JAK1: variants seen among roughly 807,000 people sequenced by gnomAD.
The protein encoded by JAK1 is Janus kinase 1, also known as tyrosine-protein kinase JAK1.
JAK1 carries 16 observed loss-of-function variants against 136.6 expected under a neutral mutation model. The ratio of observed to expected loss-of-function variants is 0.12; its 90% CI spans 0.08 to 0.18. JAK1 has a LOEUF of 0.18. Ranked by LOEUF, JAK1 falls within the 10% of genes least tolerant of loss-of-function variation. The pLI, the probability that JAK1 is intolerant of heterozygous loss-of-function variation, is 1.00. For missense variants in JAK1, 859 were observed against 1,450.1 expected, an observed-to-expected ratio of 0.59 and a Z score of 6.62; for synonymous variants, 492 against 519.5, an observed-to-expected ratio of 0.95 and a Z score of 0.72.
intron 1 of JAK1, among the ~76,000 whole-genome samples, chr1:64,907,179 G>A (rs1265977271): frequency 6.6e-6 from 1 of 152,140 alleles, no homozygotes; most frequent in Non-Finnish European, 1.5e-5. Flanking sequence ...GAAAATAACA[G>A]TACATGGGGT....
At chr1:65,014,521 A>G (rs1214470774) in intron 2 of JAK1, among the ~76,000 whole-genome samples, 1 of 152,260 alleles carries the variant, frequency 6.6e-6, no homozygotes, top group East Asian at 1.9e-4. Context: ...ACTAATGAAC[A>G]TCAAAGGAAA....
At chr1:64,851,061 C>T (rs1467027822) in intron 11 of JAK1, 151 bp from the exon 12 acceptor site, 2 of 630,818 alleles carry the variant, frequency 3.2e-6, no homozygotes, top group East Asian at 2.8e-5. Context: ...GCATATGGCT[C>T]CTACCCTCCA....
intron 2 of JAK1, among the ~76,000 whole-genome samples, chr1:64,977,816 CAT>C (rs1646510788): frequency 6.6e-6 from 1 of 151,868 alleles, no homozygotes; most frequent in Non-Finnish European, 1.5e-5. Flanking sequence ...GTGCTAAGTA[CAT>C]ATGTGTTATC....
intron 2 of JAK1, among the ~76,000 whole-genome samples, chr1:64,999,078 C>G (rs1313974267): frequency 6.6e-6 from 1 of 152,098 alleles, no homozygotes; most frequent in Non-Finnish European, 1.5e-5. Flanking sequence ...CTTTTGTTTT[C>G]TCTCCTCAGG....
intron 1 of JAK1, among the ~76,000 whole-genome samples, chr1:65,061,855 T>G (rs1647803860): frequency 6.6e-6 from 1 of 152,114 alleles, no homozygotes; most frequent in African/African-American, 2.4e-5. Flanking sequence ...TTTTCTCTTT[T>G]ATGGAAAAAG....
At chr1:64,870,632 G>A (rs1452069383) in intron 5 of JAK1, among the ~76,000 whole-genome samples, 1 of 152,068 alleles carries the variant, frequency 6.6e-6, no homozygotes, top group Non-Finnish European at 1.5e-5. Flanking sequence ...ACACTAAAGT[G>A]TGAACTCTTA....
intron 1 of JAK1, among the ~76,000 whole-genome samples, chr1:64,928,799 A>AAAAAAAAAAAAAAAAAAAAAT (rs1645636725): frequency 1.2e-5 from 1 of 85,036 alleles, no homozygotes. Context: ...AAAAAAAACA[A>AAAAAAAAAAAAAAAAAAAAAT]AAAAAAAAAA....
At chr1:64,841,138 T>C (rs1365834331) in intron 19 of JAK1, 107 bp downstream of exon 19, 6 of 824,926 alleles carry the variant, frequency 7.3e-6, no homozygotes, top group Non-Finnish European at 1.2e-5. Flanking sequence ...CTCATGGACC[T>C]GGCCCCAGAA....
At chr1:64,905,383 T>A (rs1042201942) in intron 1 of JAK1, among the ~76,000 whole-genome samples, 1 of 152,230 alleles carries the variant, frequency 6.6e-6, no homozygotes, top group Admixed American at 6.5e-5. Flanking sequence ...AATGCATACA[T>A]GTTTTTATAA....
At chr1:65,029,380 G>T (rs544824337) in intron 2 of JAK1, among the ~76,000 whole-genome samples, 1 of 152,150 alleles carries the variant, frequency 6.6e-6, no homozygotes, top group African/African-American at 2.4e-5. Flanking sequence ...GATTACAGGC[G>T]TGAGCCAACA....
At chr1:64,835,555 A>C in intron 23 of JAK1, 49 bp from the exon 24 acceptor site, 1 of 1,099,840 alleles carries the variant, frequency 9.1e-7, no homozygotes, top group Non-Finnish European at 1.4e-6. Context: ...AAGTATTTAC[A>C]TAAATGCCAA....
chr1:64,839,819 G>C (rs1203608675), intron 19 of JAK1, 24 bp from the exon 20 acceptor site: 6 of 1,578,822 alleles, frequency 3.8e-6, no homozygotes, highest in East Asian at 2.3e-5. Flanking sequence ...TGCATGTGCT[G>C]TTATCAGGGA....
intron 1 of JAK1, among the ~76,000 whole-genome samples, chr1:65,053,792 A>C (rs1457979592): frequency 1.3e-5 from 2 of 152,320 alleles, no homozygotes; most frequent in Non-Finnish European, 2.9e-5. Context: ...CTGCACTCTA[A>C]GCCTGAGCTA....
intron 4 of JAK1, among the ~76,000 whole-genome samples, chr1:64,878,605 A>ATC (rs1644719382): frequency 1.8e-5 from 2 of 113,406 alleles, no homozygotes; most frequent in South Asian, 2.9e-4. Flanking sequence ...ATATATATAT[A>ATC]TCTCAAAAGT....
intron 1 of JAK1, among the ~76,000 whole-genome samples, chr1:65,047,062 A>G (rs1409205920): frequency 6.6e-6 from 1 of 151,570 alleles, no homozygotes; most frequent in Non-Finnish European, 1.5e-5. Context: ...CTTGGCACAT[A>G]CCTGTAGTCC....
At chr1:64,915,328 T>G (rs1454076174) in intron 1 of JAK1, among the ~76,000 whole-genome samples, 1 of 152,168 alleles carries the variant, frequency 6.6e-6, no homozygotes, top group Non-Finnish European at 1.5e-5. Context: ...TGGAAAGTAG[T>G]TGGATATGTA....
At chr1:64,897,035 T>A (rs1645024094) in intron 1 of JAK1, among the ~76,000 whole-genome samples, 2 of 152,142 alleles carry the variant, frequency 1.3e-5, no homozygotes, top group South Asian at 4.1e-4. Context: ...CATGCAATAC[T>A]ACTACTATCA....
chr1:64,902,583 A>AGTGTGTGT (rs1297802875), intron 1 of JAK1, among the ~76,000 whole-genome samples: 6,673 of 73,924 alleles, frequency 0.09, 380 homozygotes, highest in Non-Finnish European at 0.12. Context: ...AGAGAGAGAG[A>AGTGTGTGT]GTGTGTGTGT....
At chr1:64,881,942 C>A (rs1644779989) in intron 3 of JAK1, among the ~76,000 whole-genome samples, 1 of 152,092 alleles carries the variant, frequency 6.6e-6, no homozygotes, top group African/African-American at 2.4e-5. Flanking sequence ...AACAAAAAAA[C>A]AAAGCCTTAA....
Sources: allele counts gnomAD v4.1 joint callset (sites outside exome capture counted in the v4.1 genomes callset), GRCh38; gene constraint gnomAD v4.1.1; transcripts MANE v1.5; gene names NCBI Gene and HGNC (gene_info 2026-07-23, HGNC 2026-07-21).